APC: variants seen among roughly 807,000 people sequenced by gnomAD.
APC encodes adenomatous polyposis coli protein.
APC carries 72 observed loss-of-function variants against 247.0 expected under a neutral mutation model. The observed-to-expected ratio is 0.29, with a 90% CI of 0.24 to 0.35. The LOEUF is 0.35. Ranked by LOEUF, APC falls within the 10% of genes least tolerant of loss-of-function variation. The pLI is 1.00. For synonymous variants in APC, 1,254 were observed against 1,162.5 expected (o/e 1.08, Z -1.60); for missense variants, 3,400 against 3,360.7 (o/e 1.01, Z -0.29).
chr5:112,763,033 G>A (rs1024886045), intron 2 of APC, among the ~76,000 whole-genome samples: 3 of 152,198 alleles, frequency 2.0e-5, no homozygotes, highest in Admixed American at 6.5e-5. Flanking sequence ...CATCATTGGA[G>A]TAAGTTAGTA....
chr5:112,711,303 G>A (rs2149637966), intron 1 of APC, among the ~76,000 whole-genome samples: 1 of 152,274 alleles, frequency 6.6e-6, no homozygotes, highest in East Asian at 1.9e-4. Flanking sequence ...GATGATCTGA[G>A]GTGGAACATT....
chr5:112,841,286 A>C lies in APC; in HGVS notation c.5692A>C (p.Thr1898Pro), dbSNP rs786204149. ...ATCAGAGGCTAAAGTTACCAGCCAC[A>C]CAGAACTAACCTCCAACCAACAATC... ...KESEAKVTSH[T>P]ELTSNQQSAN... Residue 1898 changes from threonine (T) to proline (P), a missense_variant, in exon 16 of 16, where the codon ACA (threonine) becomes CCA (proline). Around this residue, in one of 9 missense-constraint regions of APC, gnomAD observed 1,788 missense variants for 1,649.5 expected, o/e 1.08. Transcript: ENST00000257430. This position sits in a 1 kb window ranked among gnomAD's most constrained non-coding sequence, Gnocchi z 4.6. The C allele has an allele frequency of 4.3e-6, 7 of 1,613,926 alleles. No individual in the cohort carries two copies. The African/African-American group carries it at 8.0e-5, about 18-fold the overall frequency.
At chr5:112,738,320 A>G in intron 1 of APC, 5 of 985,560 alleles carry the variant, frequency 5.1e-6, no homozygotes, top group Non-Finnish European at 6.0e-6. Context: ...GCTCTACCCC[A>G]TTGAAAGGCT....
chr5:112,844,044 A>G lies in APC; in HGVS notation c.8450A>G (p.Asp2817Gly), dbSNP rs1766751871. The change falls in exon 16 of 16, where the codon GAT (aspartate) becomes GGT (glycine). Residue 2817 changes from aspartate (D) to glycine (G), a missense_variant. Physicochemically the swap from Asp to Gly is moderately conservative, Grantham distance 94. Coordinates refer to ENST00000257430, the MANE Select transcript of APC (RefSeq NM_000038.6). ...GTGAATAACAACACAAAGAAGCGAG[A>G]TTCCAAAACTGACAGCACAGAATCC... is the stretch of plus-strand genomic sequence containing the variant. ...TPVNNNTKKR[D>G]SKTDSTESSG... 2.5e-6 allele frequency: 4 copies of G among 1,602,364 alleles called. No individual in the cohort carries two copies. The highest frequency in any genetic ancestry group is 3.4e-6 in the Non-Finnish European group (4 of 1,177,028).
intron 4 of APC, among the ~76,000 whole-genome samples, chr5:112,772,538 AC>A: frequency 6.8e-6 from 1 of 146,452 alleles, no homozygotes; most frequent in East Asian, 2.0e-4. Context: ...TTTTTTTAAG[AC>A]GAAATCTCAC....
chr5:112,771,075 T>C (rs528119639), intron 4 of APC, among the ~76,000 whole-genome samples: 1 of 152,136 alleles, frequency 6.6e-6, no homozygotes, highest in Admixed American at 6.5e-5. Context: ...TGGGTTTTTT[T>C]AGGACTCTGT....
At chr5:112,711,195 G>T (rs1378058709) in intron 1 of APC, among the ~76,000 whole-genome samples, 3 of 152,228 alleles carry the variant, frequency 2.0e-5, no homozygotes, top group African/African-American at 4.8e-5. Context: ...GCAGATCAGT[G>T]GCGGCATTAG....
intron 5 of APC, among the ~76,000 whole-genome samples, chr5:112,779,454 T>C (rs1758083812): frequency 6.6e-6 from 1 of 152,214 alleles, no homozygotes; most frequent in African/African-American, 2.4e-5. Context: ...ATTTATTTAA[T>C]ATGATATATA....
At chr5:112,772,010 C>T (rs1024733797) in intron 4 of APC, among the ~76,000 whole-genome samples, 6 of 152,022 alleles carry the variant, frequency 3.9e-5, no homozygotes, top group Non-Finnish European at 8.8e-5. Context: ...TTTTAAAGTC[C>T]TTAGCACTAT....
In APC at chr5:112,781,213, C is replaced by A. The variant is rs143413669; in HGVS notation, c.645+310C>A. 2.9e-4 allele frequency among the ~76,000 whole-genome samples: 44 copies of A among 152,122 alleles called. 1 individual carries two copies. The highest frequency in any genetic ancestry group is 1.0e-3 in the African/African-American group (43 of 41,438). On this transcript the variant is annotated intron_variant, in intron 6 of 15. Coordinates refer to ENST00000257430, the MANE Select transcript of APC (RefSeq NM_000038.6). ...CAGTTCTCCTTTGAAATTTTTACTT[C>A]TTGTAATCTTAGACTGTATAAAGGC... is the stretch of plus-strand genomic sequence containing the variant.
In APC at chr5:112,843,916, T is replaced by A; in HGVS notation, c.8322T>A (p.Ser2774Arg). ...GCTCAAGCAAACACAGTTCACCTAG[T>A]GGGACTGTTGCTGCCAGAGTGACTC... ...SSSSSKHSSP[S>R]GTVAARVTPF... The change falls in exon 16 of 16, where the codon AGT becomes AGA. Residue 2774 changes from serine to arginine, a missense_variant. Coordinates refer to ENST00000257430, the MANE Select transcript of APC (RefSeq NM_000038.6). The surrounding 1 kb of genome is among the most constrained non-coding windows in gnomAD (Gnocchi z 4.8). 1 of 1,613,184 alleles carries A rather than the reference T, an allele frequency of 6.2e-7. No individual in the cohort carries two copies. The highest frequency in any genetic ancestry group is 8.5e-7 in the Non-Finnish European group (1 of 1,179,338).
rs377494451 is a variant in APC, at chr5:112,839,470, G to C, written c.3876G>C (p.Thr1292=). The C allele has an allele frequency of 1.2e-6, 2 of 1,614,088 alleles. No individual in the cohort carries two copies. Among genetic ancestry groups the C allele is most frequent in the Non-Finnish European group, 1.7e-6 (2 of 1,180,006 alleles). Residue 1292 remains threonine, a synonymous_variant, in exon 16 of 16, where the codon ACG becomes ACC. Transcript: ENST00000257430. This position sits in a 1 kb window ranked among gnomAD's most constrained non-coding sequence, Gnocchi z 5.0. The stretch of plus-strand genomic sequence containing the variant: ...AAGATGAAATAGGATGTAATCAGAC[G>C]ACACAGGAAGCAGATTCTGCTAATA... ...SAEDEIGCNQ[T]TQEADSANTL...
At chr5:112,818,122 C>G (rs945348573) in intron 9 of APC, among the ~76,000 whole-genome samples, 1 of 152,216 alleles carries the variant, frequency 6.6e-6, no homozygotes, top group Non-Finnish European at 1.5e-5. Context: ...AAGATGTTGT[C>G]AAATGTGTCC....
chr5:112,789,402 G>T (rs770965253), intron 6 of APC, among the ~76,000 whole-genome samples: 1 of 152,060 alleles, frequency 6.6e-6, no homozygotes, highest in Non-Finnish European at 1.5e-5. Flanking sequence ...AGGTGTAGTG[G>T]CTTCTTCTAT....
At chr5:112,808,404 T>C (rs537382193) in intron 8 of APC, among the ~76,000 whole-genome samples, 2 of 152,316 alleles carry the variant, frequency 1.3e-5, no homozygotes, top group East Asian at 1.9e-4. Context: ...CATTTAGTTA[T>C]TGAAGAACTA....
In APC at chr5:112,843,387, C is replaced by A. The variant is rs747339588; in HGVS notation, c.7793C>A (p.Thr2598Asn). ...DEKHVNSISG[T>N]KQSKENQVSA... is the part of the protein sequence containing the mutation. ...AAACATGTGAACTCTATTTCAGGAA[C>A]CAAACAAAGTAAAGAAAACCAAGTA... The change falls in exon 16 of 16, where the codon ACC (threonine) becomes AAC (asparagine). Residue 2598 changes from threonine (T) to asparagine (N), a missense_variant. Thr to Asn is a moderately conservative substitution (Grantham distance 65). Around this residue, in one of 9 missense-constraint regions of APC, gnomAD observed 1,788 missense variants for 1,649.5 expected, o/e 1.08. Transcript: ENST00000257430. This position sits in a 1 kb window ranked among gnomAD's most constrained non-coding sequence, Gnocchi z 4.8. 4.3e-6 allele frequency: 7 copies of A among 1,613,264 alleles called. No homozygotes were observed. The highest frequency in any genetic ancestry group is 1.7e-5 in the Admixed American group (1 of 59,898).
intron 1 of APC, among the ~76,000 whole-genome samples, chr5:112,709,840 G>A (rs1165364297): frequency 6.6e-6 from 1 of 152,186 alleles, no homozygotes. Context: ...GGGATGTGGA[G>A]GTTGCAGTGA....
chr5:112,804,668 G>A (rs1176153434), intron 8 of APC, among the ~76,000 whole-genome samples: 1 of 152,186 alleles, frequency 6.6e-6, no homozygotes, highest in Non-Finnish European at 1.5e-5. Context: ...GTGAGCCACT[G>A]CGCCCGGCCA....
intron 14 of APC, 125 bp from the exon 15 acceptor site, chr5:112,834,826 T>C: frequency 1.2e-6 from 1 of 822,790 alleles, no homozygotes; most frequent in Non-Finnish European, 2.0e-6. Flanking sequence ...GTTCTTAATT[T>C]ACCAGTGAGG....
Sources: allele counts gnomAD v4.1 joint callset (sites outside exome capture counted in the v4.1 genomes callset), GRCh38; gene constraint gnomAD v4.1.1; regional missense constraint gnomAD v4.1.1; non-coding constraint Gnocchi (gnomAD v3.1); transcripts MANE v1.5; gene names NCBI Gene and HGNC (gene_info 2026-07-23, HGNC 2026-07-21).